NTM: variants seen among roughly 807,000 people sequenced by gnomAD.
NTM encodes IgLON family member 2.
In NTM, 13 loss-of-function variants were observed where a neutral mutation model predicts 42.1. The observed-to-expected ratio is 0.31, with a 90% CI of 0.20 to 0.49. The LOEUF (loss-of-function observed/expected upper bound fraction) is 0.49. Among genes scored for constraint, NTM ranks in the 20% least tolerant of loss-of-function variants. The pLI is 0.99. For synonymous variants in NTM, 187 were observed against 179.2 expected, an observed-to-expected ratio of 1.04 and a Z score of -0.35; for missense variants, 373 against 452.8, an observed-to-expected ratio of 0.82 and a Z score of 1.60.
chr11:131,751,331 G>A (rs549566703), intron 1 of NTM, among the ~76,000 whole-genome samples: 3 of 151,830 alleles, frequency 2.0e-5, no homozygotes, highest in South Asian at 2.1e-4. Context: ...TCACGCCACC[G>A]TGTAATCCCA....
intron 2 of NTM, among the ~76,000 whole-genome samples, chr11:131,959,668 C>T (rs1435275363): frequency 6.6e-6 from 1 of 152,136 alleles, no homozygotes; most frequent in African/African-American, 2.4e-5. Context: ...TGAATATTCT[C>T]ATGAGTAAAC....
In NTM at chr11:132,072,984, G is replaced by A. The variant is rs530904079; in HGVS notation, c.168-73298G>A. On this transcript the variant is annotated intron_variant, in intron 2 of 8. Coordinates refer to ENST00000683400, the MANE Select transcript of NTM (RefSeq NM_001352005.2). The stretch of plus-strand genomic sequence containing the variant: ...CCAGATGCGTGCAGATCCAAAGATG[G>A]TGTCATTTGTGAAAAATGAGGCTGG... 7.2e-5 allele frequency among the ~76,000 whole-genome samples: 11 copies of A among 152,260 alleles called. No individual in the cohort carries two copies. The East Asian group carries it at 2.1e-3, about 29-fold the overall frequency.
intron 1 of NTM, among the ~76,000 whole-genome samples, chr11:131,907,090 C>T: frequency 6.6e-6 from 1 of 151,244 alleles, no homozygotes; most frequent in Admixed American, 6.6e-5. Flanking sequence ...TTCCCATCTT[C>T]TCGCCTGCAC....
chr11:131,600,655 C>T (rs1366301367), intron 1 of NTM, among the ~76,000 whole-genome samples: 1 of 152,158 alleles, frequency 6.6e-6, no homozygotes, highest in Admixed American at 6.5e-5. Flanking sequence ...AAATATCCTG[C>T]CTACGTTTAG....
At chr11:132,136,168 A>C (rs1243761677) in intron 2 of NTM, among the ~76,000 whole-genome samples, 2 of 152,074 alleles carry the variant, frequency 1.3e-5, no homozygotes, top group Non-Finnish European at 2.9e-5. Flanking sequence ...TGCAGTGTGT[A>C]TTGCATGTTG....
chr11:131,604,883 T>A (rs532103550), intron 1 of NTM, among the ~76,000 whole-genome samples: 72 of 124,068 alleles, frequency 5.8e-4, no homozygotes, highest in African/African-American at 1.7e-3. Flanking sequence ...ATGTGAGGGT[T>A]TTTTTTTCTG....
chr11:131,948,296 C>T (rs558503096), intron 2 of NTM, among the ~76,000 whole-genome samples: 3 of 150,448 alleles, frequency 2.0e-5, no homozygotes, highest in African/African-American at 4.9e-5. Flanking sequence ...ACCTGGGAGG[C>T]GGAGCTTGCA....
At chr11:131,616,569 T>A (rs2137595927) in intron 1 of NTM, among the ~76,000 whole-genome samples, 2 of 152,248 alleles carry the variant, frequency 1.3e-5, no homozygotes, top group East Asian at 3.9e-4. Context: ...GCCTAGTGAC[T>A]TAGAATGAGA....
chr11:131,794,790 A>G, intron 1 of NTM: 3 of 985,446 alleles, frequency 3.0e-6, no homozygotes, highest in Non-Finnish European at 3.6e-6. Flanking sequence ...GCATTCATGT[A>G]CTTTGGAAGC....
chr11:131,894,765 TG>T, intron 1 of NTM, among the ~76,000 whole-genome samples: 1 of 152,328 alleles, frequency 6.6e-6, no homozygotes. Flanking sequence ...CCCTCTTTCC[TG>T]ATGCATTTTT....
intron 1 of NTM, among the ~76,000 whole-genome samples, chr11:131,904,356 C>G (rs61901707): frequency 0.052 from 7,915 of 152,080 alleles, 304 homozygotes; most frequent in Non-Finnish European, 0.075. Context: ...ATAAAATTGC[C>G]ATTCCTAGGG....
intron 1 of NTM, among the ~76,000 whole-genome samples, chr11:131,614,360 A>G (rs1259654586): frequency 6.6e-6 from 1 of 152,206 alleles, no homozygotes; most frequent in African/African-American, 2.4e-5. Context: ...CTCCATGGAG[A>G]CCCACCCTGG....
intron 2 of NTM, among the ~76,000 whole-genome samples, chr11:131,954,043 G>A (rs150979540): frequency 6.8e-4 from 103 of 152,236 alleles, no homozygotes; most frequent in African/African-American, 2.2e-3. Flanking sequence ...TTAACAAGTC[G>A]AATCGGAGGG....
intron 1 of NTM, among the ~76,000 whole-genome samples, chr11:131,809,547 A>G (rs2092653370): frequency 6.6e-6 from 1 of 152,198 alleles, no homozygotes; most frequent in Non-Finnish European, 1.5e-5. Flanking sequence ...TATGCCCAGC[A>G]CTTCAAACTG....
intron 8 of NTM, among the ~76,000 whole-genome samples, chr11:132,333,358 T>C (rs1465086240): frequency 6.6e-6 from 1 of 152,124 alleles, no homozygotes; most frequent in Non-Finnish European, 1.5e-5. Context: ...CTCTCACCCT[T>C]GAAGGCATCC....
chr11:131,908,042 C>T (rs542090165), intron 1 of NTM, among the ~76,000 whole-genome samples: 38 of 152,348 alleles, frequency 2.5e-4, no homozygotes, highest in African/African-American at 8.2e-4. Flanking sequence ...CCTGCGCCCA[C>T]GAAGCAGGTA....
intron 1 of NTM, among the ~76,000 whole-genome samples, chr11:131,517,109 T>G (rs2048990938): frequency 6.6e-6 from 1 of 152,206 alleles, no homozygotes; most frequent in African/African-American, 2.4e-5. Context: ...CTTTTTGGTG[T>G]GATCACAATG....
intron 7 of NTM, among the ~76,000 whole-genome samples, chr11:132,320,982 AAACT>A (rs756251791): frequency 1.2e-4 from 18 of 150,766 alleles, no homozygotes; most frequent in East Asian, 3.9e-4. Flanking sequence ...GTTAGAAGGA[AAACT>A]AACAAACAGA....
At chr11:131,982,377 A>G (rs564218127) in intron 2 of NTM, among the ~76,000 whole-genome samples, 1 of 152,294 alleles carries the variant, frequency 6.6e-6, no homozygotes, top group Admixed American at 6.5e-5. Context: ...GGCAAGAACA[A>G]GGATGAAAGG....
Sources: gnomAD v4.1 joint callset for allele counts (sites outside exome capture counted in the v4.1 genomes callset) on GRCh38, gnomAD v4.1.1 for gene constraint, MANE v1.5 for transcripts, NCBI Gene and HGNC (gene_info 2026-07-23, HGNC 2026-07-21) for gene names.